TG: variants seen among roughly 807,000 people sequenced by gnomAD.
TG encodes the protein thyroglobulin.
Under a neutral mutation model 324.7 loss-of-function variants are expected in TG, and 270 were observed. That is an observed-to-expected ratio of 0.83 (90% CI 0.75 to 0.92). TG has a LOEUF of 0.92. TG is among the 40% of genes least tolerant of loss of function. The probability of loss-of-function intolerance (pLI) is 0.00; values close to 1 mark genes in which losing one functional copy is unlikely to be tolerated. For synonymous variants in TG, 1,401 were observed against 1,327.0 expected, an observed-to-expected ratio of 1.06 and a Z score of -1.21; for missense variants, 3,591 against 3,456.4, an observed-to-expected ratio of 1.04 and a Z score of -0.98.
At chr8:133,048,525 T>G (rs1210856988) in intron 41 of TG, 3 of 154,482 alleles carry the variant, frequency 1.9e-5, no homozygotes, top group African/African-American at 7.2e-5. Context: ...TCAGCCCTGC[T>G]CTTCCTATTT....
At chr8:132,967,574 C>A (rs1343247867) in intron 30 of TG, among the ~76,000 whole-genome samples, 1 of 152,200 alleles carries the variant, frequency 6.6e-6, no homozygotes, top group South Asian at 2.1e-4. Flanking sequence ...ATGCCTTCAA[C>A]TCTGCCTTTA....
At chr8:132,879,011 TAAG>T (rs1386704733) in intron 5 of TG, among the ~76,000 whole-genome samples, 1 of 152,214 alleles carries the variant, frequency 6.6e-6, no homozygotes, top group Non-Finnish European at 1.5e-5. Context: ...GGAGATCTAA[TAAG>T]GAGGAGGCTG....
rs1002076520 is a variant in TG, at chr8:133,021,888, C to T, written c.6877-103C>T. On this transcript the variant is annotated intron_variant, in intron 39 of 47. Transcript: ENST00000220616. ...CCACTGCATGGGGCTAAGTATGCCA[C>T]AGAGCTGGCCAGAGGAGTCCTGTGT... 34 of 1,440,890 alleles carry T rather than the reference C, an allele frequency of 2.4e-5. No homozygotes were observed. In the African/African-American group the frequency reaches 4.1e-4, roughly 17 times the overall value. The allele number at this position is 1,440,890 out of a possible 1,614,324, so 89.3% of individuals were successfully genotyped here. A position where few individuals can be genotyped will look rare whatever the true frequency, so the allele number is the denominator to read the frequency against.
Position 132,961,857 on chromosome 8 carries a change from G to C in TG, c.5467+784G>C, listed in dbSNP as rs115040619. Among the ~76,000 whole-genome samples the C allele has an allele frequency of 9.9e-5, 15 of 152,236 alleles. No homozygotes were observed. In the South Asian group the frequency reaches 3.1e-3, roughly 32 times the overall value. On this transcript the variant is annotated intron_variant, in intron 28 of 47. Transcript: ENST00000220616. ...TGTCCCAAGAGAGGATTGGCGACTT[G>C]CTTCTACATGCTGATAAACTGAAAG...
intron 27 of TG, among the ~76,000 whole-genome samples, chr8:132,958,660 G>C (rs993215677): frequency 8.9e-6 from 1 of 112,280 alleles, no homozygotes; most frequent in Non-Finnish European, 1.8e-5. Flanking sequence ...AGAAGTTGCA[G>C]TGAGCCGAGA....
chr8:133,055,814 CT>C (rs1458080746), intron 41 of TG, among the ~76,000 whole-genome samples: 2 of 148,976 alleles, frequency 1.3e-5, no homozygotes, highest in Non-Finnish European at 3.0e-5. Context: ...CTTCCTCCCC[CT>C]CCTCATCACC....
chr8:132,979,637 A>G (rs765590363), intron 34 of TG, among the ~76,000 whole-genome samples: 2 of 152,178 alleles, frequency 1.3e-5, no homozygotes, highest in Non-Finnish European at 2.9e-5. Flanking sequence ...TAACAATCTC[A>G]TGAGGTAGGG....
At chr8:132,898,777 A>G (rs1251789313) in intron 13 of TG, 21 bp from the exon 14 acceptor site, 5 of 1,611,474 alleles carry the variant, frequency 3.1e-6, no homozygotes, top group Non-Finnish European at 4.2e-6. Context: ...AGTCCTTTAC[A>G]AGCACCTCTC....
rs1815506248 is a variant in TG, at chr8:132,886,935, A to C, written c.1563A>C (p.Pro521=). 1.9e-6 allele frequency: 3 copies of C among 1,614,016 alleles called. No homozygotes were observed. The highest frequency in any genetic ancestry group is 1.6e-4 in the Middle Eastern group (1 of 6,062). The change falls in exon 9 of 48, where the codon CCA becomes CCC. Residue 521 remains proline (P), a synonymous_variant. Coordinates refer to ENST00000220616, the MANE Select transcript of TG (RefSeq NM_003235.5). ...NGGRQEDLAK[P]LSVGLDSNSS... ...GGAGACAAGAAGATTTGGCCAAGCC[A>C]CTCTCTGTGGGATTAGATTCAAATT...
At chr8:132,888,834 T>A (rs951380818) in intron 10 of TG, among the ~76,000 whole-genome samples, 1 of 152,250 alleles carries the variant, frequency 6.6e-6, no homozygotes, top group Admixed American at 6.5e-5. Flanking sequence ...AGATTTTTAC[T>A]GGATGTCTTC....
chr8:132,943,534 C>T (rs1824778660), intron 26 of TG, among the ~76,000 whole-genome samples: 1 of 152,196 alleles, frequency 6.6e-6, no homozygotes, highest in African/African-American at 2.4e-5. Flanking sequence ...CTCCTCCCTG[C>T]TCTCCACCTG....
chr8:133,045,250 C>T (rs1277201195), intron 41 of TG: 6 of 791,830 alleles, frequency 7.6e-6, no homozygotes, highest in Non-Finnish European at 1.0e-5. Flanking sequence ...GGATGCAGCC[C>T]CTCCCTCCAC....
At position 132,896,638 on chromosome 8, in the gene TG, C is replaced by A. The variant is rs530645519; in HGVS notation, c.3002-1011C>A. On this transcript the variant is annotated intron_variant, in intron 11 of 47. Coordinates refer to ENST00000220616, the MANE Select transcript of TG (RefSeq NM_003235.5). The stretch of plus-strand genomic sequence containing the variant: ...CAAATCAGACTGGGCCTGGTAAGAC[C>A]CACACCAAACTGATGTGTGTCCCAC... 2.0e-5 allele frequency among the ~76,000 whole-genome samples: 3 copies of A among 152,226 alleles called. No homozygotes were observed. In the East Asian group the frequency reaches 5.8e-4, roughly 29 times the overall value.
At position 132,900,719 on chromosome 8, in the gene TG, G is replaced by T. The variant is rs568429623; in HGVS notation, c.3433+380G>T. ...GGCAATGTGCAGATGTCCCTCTTCT[G>T]CCTAAACACCATAAATGCTCCCATC... On this transcript the variant is annotated intron_variant, in intron 15 of 47. Coordinates refer to ENST00000220616, the MANE Select transcript of TG (RefSeq NM_003235.5). Among the ~76,000 whole-genome samples the T allele has an allele frequency of 3.9e-5, 6 of 152,302 alleles. No individual in the cohort carries two copies. The South Asian group carries it at 1.2e-3, about 32-fold the overall frequency.
intron 41 of TG, chr8:133,050,460 C>T (rs866110377): frequency 7.4e-5 from 18 of 244,876 alleles, no homozygotes; most frequent in Middle Eastern, 1.5e-3. Context: ...TTTTCTCATC[C>T]GAAGGATTTC....
chr8:132,960,215 T>G (rs1370271725), intron 27 of TG, among the ~76,000 whole-genome samples: 1 of 152,046 alleles, frequency 6.6e-6, no homozygotes, highest in Non-Finnish European at 1.5e-5. Flanking sequence ...AAATAAAAAT[T>G]TAAATAAAGG....
Position 133,133,483 on chromosome 8 carries a change from C to G in TG, c.8011C>G (p.Pro2671Ala), listed in dbSNP as rs757851867. The change falls in exon 47 of 48, where the codon CCT becomes GCT. Residue 2671 changes from proline to alanine, a missense_variant. By Grantham distance (27) the Pro-to-Ala change is conservative. Transcript: ENST00000220616. ...TCATTTGCCCAGAAATCCCAACTAC[C>G]CTTATGAGTTCTCACGGAAAGTACC... ...HFIRSGNPNY[P>A]YEFSRKVPTF... The G allele has an allele frequency of 2.5e-6, 4 of 1,614,056 alleles. No individual in the cohort carries two copies. The East Asian group carries it at 6.7e-5, about 27-fold the overall frequency.
At chr8:133,118,320 C>CTTTTTTTTT (rs34171048) in intron 45 of TG, among the ~76,000 whole-genome samples, 2 of 88,962 alleles carry the variant, frequency 2.2e-5, no homozygotes, top group Non-Finnish European at 4.4e-5. Context: ...CAGATTCTTC[C>CTTTTTTTTT]TTTTTTTTTT....
intron 41 of TG, among the ~76,000 whole-genome samples, chr8:133,063,304 C>A (rs2741204): frequency 1.7e-4 from 26 of 148,946 alleles, no homozygotes; most frequent in Admixed American, 1.3e-3. Flanking sequence ...ATCCCCTCCC[C>A]CAAGCTGCTT....
Sources: allele counts gnomAD v4.1 joint callset (sites outside exome capture counted in the v4.1 genomes callset), GRCh38; gene constraint gnomAD v4.1.1; transcripts MANE v1.5; gene names NCBI Gene and HGNC (gene_info 2026-07-23, HGNC 2026-07-21).